Variants in EYA2 observed in about 807,000 individuals in gnomAD.
EYA2 encodes EYA transcriptional coactivator and phosphatase 2.
Under a neutral mutation model 69.2 loss-of-function variants are expected in EYA2, and 31 were observed. The ratio of observed to expected loss-of-function variants is 0.45; its 90% CI spans 0.34 to 0.60. EYA2 has a LOEUF of 0.60. Ranked by LOEUF, EYA2 falls within the 20% of genes least tolerant of loss-of-function variation. The pLI is 0.02. For missense variants in EYA2, 622 were observed against 701.2 expected (o/e 0.89, Z 1.28); for synonymous variants, 257 against 279.4 (o/e 0.92, Z 0.80).
At chr20:47,109,346 T>C (rs1250981701) in intron 9 of EYA2, among the ~76,000 whole-genome samples, 4 of 152,236 alleles carry the variant, frequency 2.6e-5, no homozygotes, top group Non-Finnish European at 1.5e-5. Context: ...CCTTTCTTGT[T>C]TCACGTAGGT....
chr20:46,911,232 TG>T (rs1984629068), intron 1 of EYA2, among the ~76,000 whole-genome samples: 1 of 54,156 alleles, frequency 1.8e-5, no homozygotes, highest in African/African-American at 1.1e-4. Context: ...CTGGATAATT[TG>T]TGTGTGTGTG....
At chr20:47,135,727 A>G (rs1027879706) in intron 9 of EYA2, among the ~76,000 whole-genome samples, 1 of 150,278 alleles carries the variant, frequency 6.7e-6, no homozygotes, top group Non-Finnish European at 1.5e-5. Context: ...AAAATCTGTA[A>G]TCTCAGCACT....
chr20:46,951,405 GT>G (rs749959591), intron 1 of EYA2, among the ~76,000 whole-genome samples: 37 of 152,112 alleles, frequency 2.4e-4, no homozygotes, highest in Non-Finnish European at 4.7e-4. Flanking sequence ...TCTCTAAGTC[GT>G]TTGCTAGCCT....
At position 47,143,798 on chromosome 20, in the gene EYA2, G is replaced by C. The variant is rs141765157; in HGVS notation, c.978+650G>C. On this transcript the variant is annotated intron_variant, in intron 10 of 15. Transcript: ENST00000327619. ...AATAGAACTAGTAACACAAAGGCAA[G>C]CGGAAGCAAAGCTATGTCATGAATA... Among the ~76,000 whole-genome samples the C allele has an allele frequency of 1.0e-3, 153 of 152,270 alleles. 1 individual carries two copies. The highest frequency in any genetic ancestry group is 3.7e-3 in the African/African-American group (152 of 41,560).
chr20:46,975,782 C>T (rs1341145703), intron 1 of EYA2, among the ~76,000 whole-genome samples: 1 of 152,128 alleles, frequency 6.6e-6, no homozygotes, highest in East Asian at 1.9e-4. Flanking sequence ...GGGCGTGGTT[C>T]TGTGCACCTG....
intron 12 of EYA2, among the ~76,000 whole-genome samples, chr20:47,178,515 C>CAGCG: frequency 6.6e-6 from 1 of 152,096 alleles, no homozygotes; most frequent in African/African-American, 2.4e-5. Flanking sequence ...AATGGAAAGA[C>CAGCG]AGCGGCAGGA....
At chr20:47,094,187 A>C (rs1488450409) in intron 8 of EYA2, among the ~76,000 whole-genome samples, 1 of 152,222 alleles carries the variant, frequency 6.6e-6, no homozygotes, top group Admixed American at 6.5e-5. Flanking sequence ...TAATGGATAA[A>C]GTAAGGGAGC....
At chr20:46,926,260 G>A (rs938733171) in intron 1 of EYA2, among the ~76,000 whole-genome samples, 1 of 152,124 alleles carries the variant, frequency 6.6e-6, no homozygotes, top group East Asian at 1.9e-4. Context: ...ATAGAGAGGG[G>A]GGTTGATTTA....
At chr20:47,181,662 C>T (rs1031722462) in intron 14 of EYA2, among the ~76,000 whole-genome samples, 1 of 152,118 alleles carries the variant, frequency 6.6e-6, no homozygotes, top group Non-Finnish European at 1.5e-5. Flanking sequence ...CATGAGCCAC[C>T]GTGCCAAAAT....
chr20:47,042,190 TATC>T (rs1359945136), intron 5 of EYA2, among the ~76,000 whole-genome samples: 1 of 152,092 alleles, frequency 6.6e-6, no homozygotes, highest in Non-Finnish European at 1.5e-5. Context: ...TAGAAATTAT[TATC>T]ACGTCTATTT....
At chr20:46,942,258 A>T (rs1986185929) in intron 1 of EYA2, among the ~76,000 whole-genome samples, 1 of 151,728 alleles carries the variant, frequency 6.6e-6, no homozygotes, top group South Asian at 2.1e-4. Flanking sequence ...CCCAGGCTGG[A>T]GTGCAGTTGT....
intron 15 of EYA2, among the ~76,000 whole-genome samples, chr20:47,184,208 T>C (rs1468511935): frequency 1.3e-5 from 2 of 151,958 alleles, no homozygotes; most frequent in African/African-American, 4.8e-5. Flanking sequence ...CGCTAAGAAA[T>C]GGGAGCTGCT....
chr20:47,092,864 G>T (rs985527083), intron 8 of EYA2, among the ~76,000 whole-genome samples: 7 of 152,216 alleles, frequency 4.6e-5, no homozygotes, highest in Admixed American at 3.3e-4. Context: ...AAGCCCACGG[G>T]AGAGAAATTA....
At position 47,121,075 on chromosome 20, in the gene EYA2, T is replaced by TTTG. The variant is rs146530303; in HGVS notation, c.889-21959_889-21957dup. Among the ~76,000 whole-genome samples the TTTG allele has an allele frequency of 5.4e-3, 813 of 151,664 alleles. 5 individuals carry two copies. Among genetic ancestry groups the TTTG allele is most frequent in the African/African-American group, 0.017 (689 of 41,316 alleles). On this transcript the variant is annotated intron_variant, in intron 9 of 15. Coordinates refer to ENST00000327619, the MANE Select transcript of EYA2 (RefSeq NM_005244.5). Reference sequence around the variant, plus strand: ...GGAGGCTTTTAATTAGGAATTCAAGTTTGTTGTTGTTGTTGTTGTTGTTGT... The same window carrying TTTG: ...GGAGGCTTTTAATTAGGAATTCAAGTTTGTTGTTGTTGTTGTTGTTGTTGTTGT...
chr20:46,919,418 C>A (rs1477734849), intron 1 of EYA2, among the ~76,000 whole-genome samples: 6 of 152,258 alleles, frequency 3.9e-5, no homozygotes, highest in African/African-American at 1.2e-4. Flanking sequence ...TAACTTGCTG[C>A]AGTTTGTCCA....
intron 8 of EYA2, among the ~76,000 whole-genome samples, chr20:47,090,229 CTTTTTTT>C (rs60732138): frequency 8.2e-6 from 1 of 122,072 alleles, no homozygotes; most frequent in Non-Finnish European, 1.7e-5. Flanking sequence ...ATGCTCCAAT[CTTTTTTT>C]TTTTTTTTTT....
At chr20:47,055,245 G>C (rs2030546995) in intron 5 of EYA2, among the ~76,000 whole-genome samples, 1 of 152,320 alleles carries the variant, frequency 6.6e-6, no homozygotes, top group South Asian at 2.1e-4. Context: ...GCATGGGACT[G>C]TATCAGTGAA....
intron 5 of EYA2, among the ~76,000 whole-genome samples, chr20:47,026,183 GGAA>G (rs1984070950): frequency 1.3e-5 from 2 of 152,194 alleles, no homozygotes; most frequent in African/African-American, 4.8e-5. Flanking sequence ...TGAGTCAGTG[GGAA>G]AATATGAACT....
chr20:47,055,885 T>C (rs1439050559), intron 5 of EYA2, among the ~76,000 whole-genome samples: 1 of 152,118 alleles, frequency 6.6e-6, no homozygotes, highest in Non-Finnish European at 1.5e-5. Flanking sequence ...ATTTTGGACA[T>C]CTCTCCACAC....
Sources: gnomAD v4.1 joint callset for allele counts (sites outside exome capture counted in the v4.1 genomes callset) on GRCh38, gnomAD v4.1.1 for gene constraint, MANE v1.5 for transcripts, NCBI Gene and HGNC (gene_info 2026-07-23, HGNC 2026-07-21) for gene names.